EP400: variants seen among roughly 807,000 people sequenced by gnomAD.
EP400 encodes the protein E1A binding protein p400.
EP400 carries 105 observed loss-of-function variants against 354.1 expected under a neutral mutation model. The ratio of observed to expected loss-of-function variants is 0.30; its 90% confidence interval spans 0.25 to 0.35. The LOEUF (loss-of-function observed/expected upper bound fraction) is 0.35. Ranked by LOEUF, EP400 falls within the 10% of genes least tolerant of loss-of-function variation. The pLI is 1.00. For missense variants in EP400, 3,280 were observed against 4,121.0 expected (o/e 0.80, Z 5.59); for synonymous variants, 1,646 against 1,716.9 (o/e 0.96, Z 1.02).
rs371630466 is a variant in EP400 at position 131,994,847 on chromosome 12, C to G, written c.2738-20C>G. The G allele has an allele frequency of 1.0e-4, 168 of 1,612,016 alleles. No homozygotes were observed. The highest frequency in any genetic ancestry group is 1.2e-4 in the Non-Finnish European group (137 of 1,178,486). On this transcript the variant is annotated intron_variant, in intron 11 of 52. Transcript: ENST00000389561. This position sits in a 1 kb window ranked among gnomAD's most constrained non-coding sequence, Gnocchi z 4.6. ...CAAGTGGTGTTGCCTCTCAGTGACACTTGCTGATAACCATTTTAGTGGACG... is the reference window on the plus strand; with the variant it reads ...CAAGTGGTGTTGCCTCTCAGTGACAGTTGCTGATAACCATTTTAGTGGACG...
At position 132,013,275 on chromosome 12, in the gene EP400, C is replaced by CT; in HGVS notation, c.3611+100dup. 6.8e-7 allele frequency: 1 copy of CT among 1,469,938 alleles called. No homozygotes were observed. The highest frequency in any genetic ancestry group is 1.4e-5 in the South Asian group (1 of 73,418). 91.1% of individuals were successfully genotyped at this position (1,469,938 alleles called of 1,614,324 possible). On this transcript the variant is annotated intron_variant, in intron 17 of 52. Transcript: ENST00000389561. The surrounding 1 kb of genome is among the most constrained non-coding windows in gnomAD (Gnocchi z 4.5). Reference sequence around the variant, plus strand: ...CATAATTGCAGACACAAACAATGGCCTTTGAGCTAGAGAATTGCTTTTCAT... The same window carrying CT: ...CATAATTGCAGACACAAACAATGGCCTTTTGAGCTAGAGAATTGCTTTTCAT...
Position 132,027,910 on chromosome 12 carries a change from A to G in EP400, c.5110-107A>G, listed in dbSNP as rs1228972230. The G allele has an allele frequency of 1.5e-5, 18 of 1,175,626 alleles. No individual in the cohort carries two copies. Among genetic ancestry groups the G allele is most frequent in the Middle Eastern group, 2.3e-4 (1 of 4,278 alleles). The allele number at this position is 1,175,626 out of a possible 1,614,324, so 72.8% of individuals were successfully genotyped here. Reference sequence around the variant, plus strand: ...TGTAACACAAGACCGGGGATATTGAAGTGGATCTCATATGTGGGAAATCAC... The same window carrying G: ...TGTAACACAAGACCGGGGATATTGAGGTGGATCTCATATGTGGGAAATCAC... On this transcript the variant is annotated intron_variant, in intron 26 of 52. Coordinates refer to ENST00000389561, the MANE Select transcript of EP400 (RefSeq NM_015409.5). This position sits in a 1 kb window ranked among gnomAD's most constrained non-coding sequence, Gnocchi z 4.9.
At position 132,055,022 on chromosome 12, in the gene EP400, A is replaced by G; in HGVS notation, c.7774+3A>G. 1 of 1,613,978 alleles carries G rather than the reference A, an allele frequency of 6.2e-7. No homozygotes were observed. The highest frequency in any genetic ancestry group is 8.5e-7 in the Non-Finnish European group (1 of 1,179,964). ...TACTGGGACGAGCATGCCCACTGGT[A>G]AGACAAATACAGAGATGCTGAAATG... On this transcript the variant is annotated splice_donor_region_variant and intron_variant, in intron 44 of 52. Coordinates refer to ENST00000389561, the MANE Select transcript of EP400 (RefSeq NM_015409.5).
chr12:132,045,060 T>C, intron 37 of EP400, 107 bp downstream of exon 37: 1 of 1,436,606 alleles, frequency 7.0e-7, no homozygotes, highest in Non-Finnish European at 9.4e-7. Flanking sequence ...GCCTGTCTGC[T>C]GCAGGGCTAG....
intron 12 of EP400, among the ~76,000 whole-genome samples, chr12:132,002,145 A>G (rs1394236260): frequency 6.6e-6 from 1 of 152,210 alleles, no homozygotes; most frequent in African/African-American, 2.4e-5. Flanking sequence ...TAAACAGCAT[A>G]TAGTTGGTCT....
chr12:132,043,754 GA>G, intron 34 of EP400, 26 bp downstream of exon 34: 1 of 1,572,916 alleles, frequency 6.4e-7, no homozygotes, highest in East Asian at 2.2e-5. Context: ...TTTGGTCAGT[GA>G]AAAAAATTTG....
chr12:131,971,282 C>G (rs1020438794), intron 2 of EP400, among the ~76,000 whole-genome samples: 3 of 152,212 alleles, frequency 2.0e-5, no homozygotes, highest in Non-Finnish European at 4.4e-5. Flanking sequence ...TAGCATTATG[C>G]CCTCTAGGTT....
intron 34 of EP400, 56 bp from the exon 35 acceptor site, chr12:132,044,121 G>T: frequency 1.3e-6 from 2 of 1,598,632 alleles, no homozygotes; most frequent in Non-Finnish European, 1.7e-6. Context: ...AGGGACTCGG[G>T]GGCTGCTCTG....
At chr12:131,997,415 G>A (rs1036833191) in intron 12 of EP400, among the ~76,000 whole-genome samples, 4 of 151,836 alleles carry the variant, frequency 2.6e-5, no homozygotes, top group South Asian at 2.1e-4. Flanking sequence ...ACTATAGTGC[G>A]CGCTACCACG....
At chr12:132,071,193 G>GCTTTTTGTCTTGTTTAAAGCCCACTA in intron 51 of EP400, among the ~76,000 whole-genome samples, 1 of 151,766 alleles carries the variant, frequency 6.6e-6, no homozygotes, top group African/African-American at 2.4e-5. Flanking sequence ...TTGTTACGGT[G>GCTTTTTGTCTTGTTTAAAGCCCACTA]CTTTTTGTCT....
chr12:131,957,619 C>G (rs994578231), intron 1 of EP400, among the ~76,000 whole-genome samples: 2 of 148,844 alleles, frequency 1.3e-5, no homozygotes, highest in African/African-American at 2.5e-5. Context: ...TTGTTTGAGA[C>G]AGTTTTGGTT....
In EP400 at chr12:132,075,156, G is replaced by C. The variant is rs78124620; in HGVS notation, c.9022-1360G>C. 0.017 allele frequency among the ~76,000 whole-genome samples: 2,512 copies of C among 152,058 alleles called. 67 individuals are homozygous for C. Among genetic ancestry groups the C allele is most frequent in the African/African-American group, 0.058 (2,392 of 41,458 alleles). ...AGGGGATGCTTTCTTTGCAGCCTTT[G>C]GGTACCTTTGTGGGTACAGTGTCTC... On this transcript the variant is annotated intron_variant, in intron 51 of 52. Coordinates refer to ENST00000389561, the MANE Select transcript of EP400 (RefSeq NM_015409.5). This position sits in a 1 kb window ranked among gnomAD's most constrained non-coding sequence, Gnocchi z 4.5.
At position 132,038,117 on chromosome 12, in the gene EP400, G is replaced by T; in HGVS notation, c.6207+21G>T. 1 of 1,613,880 alleles carries T rather than the reference G, an allele frequency of 6.2e-7. No individual in the cohort carries two copies. Among genetic ancestry groups the T allele is most frequent in the Middle Eastern group, 1.7e-4 (1 of 6,060 alleles). ...TAGAGGTAAGAATACATTGAATCTG[G>T]CTGAAGAGTTGCACGGTGGGAGCCG... On this transcript the variant is annotated intron_variant, in intron 32 of 52. Coordinates refer to ENST00000389561, the MANE Select transcript of EP400 (RefSeq NM_015409.5). This position sits in a 1 kb window ranked among gnomAD's most constrained non-coding sequence, Gnocchi z 4.2.
intron 19 of EP400, among the ~76,000 whole-genome samples, chr12:132,016,803 G>A (rs1893952991): frequency 1.3e-5 from 2 of 152,162 alleles, no homozygotes; most frequent in African/African-American, 2.4e-5. Flanking sequence ...CTCCCTCCCT[G>A]GTGTTCCTGT....
At chr12:132,000,356 C>G (rs1405289900) in intron 12 of EP400, among the ~76,000 whole-genome samples, 1 of 152,004 alleles carries the variant, frequency 6.6e-6, no homozygotes, top group Admixed American at 6.5e-5. Flanking sequence ...TCTCACTGAC[C>G]TGGATTTTGT....
At chr12:132,031,815 A>C in intron 29 of EP400, 138 bp from the exon 30 acceptor site, 1 of 808,896 alleles carries the variant, frequency 1.2e-6, no homozygotes, top group African/African-American at 1.7e-5. Context: ...TCGGCCTCCC[A>C]AAGTGCTGGG....
At chr12:132,012,928 C>T in intron 16 of EP400, 81 bp from the exon 17 acceptor site, 1 of 1,430,756 alleles carries the variant, frequency 7.0e-7, no homozygotes, top group Non-Finnish European at 9.3e-7. Flanking sequence ...GGGTGGCAAG[C>T]TTTGGGAAGT....
intron 50 of EP400, chr12:132,069,262 G>A (rs894770681): frequency 1.7e-5 from 9 of 533,496 alleles, no homozygotes; most frequent in African/African-American, 7.6e-5. Context: ...TGCAGGCAAC[G>A]GCCAGGCCTC....
In EP400 at chr12:132,017,488, A is replaced by AG. The variant is rs763288716; in HGVS notation, c.3924-47_3924-46insG. 1.9e-6 allele frequency: 3 copies of AG among 1,598,604 alleles called. No homozygotes were observed. The African/African-American group carries it at 4.0e-5, about 21-fold the overall frequency. Reference sequence around the variant, plus strand: ...CGATGGTGAGGGTGGGACTATGTCCATGTGCCGTTTGGATTGAATGCTTCG... The same window carrying AG: ...CGATGGTGAGGGTGGGACTATGTCCAGTGTGCCGTTTGGATTGAATGCTTCG... On this transcript the variant is annotated intron_variant, in intron 19 of 52. Coordinates refer to ENST00000389561, the MANE Select transcript of EP400 (RefSeq NM_015409.5). The surrounding 1 kb of genome is among the most constrained non-coding windows in gnomAD (Gnocchi z 5.0).
Sources: allele counts gnomAD v4.1 joint callset (sites outside exome capture counted in the v4.1 genomes callset), GRCh38; gene constraint gnomAD v4.1.1; non-coding constraint Gnocchi (gnomAD v3.1); transcripts MANE v1.5; gene names NCBI Gene and HGNC (gene_info 2026-07-23, HGNC 2026-07-21).